Variants in BAP1 observed in about 807,000 individuals in gnomAD.
BAP1 encodes BRCA1 associated deubiquitinase 1.
BAP1 carries 16 observed loss-of-function variants against 77.2 expected under a neutral mutation model. That is an observed-to-expected ratio of 0.21 (90% confidence interval 0.14 to 0.31). The LOEUF (loss-of-function observed/expected upper bound fraction) is 0.31, where lower values mean the gene tolerates loss of function less well. Ranked by LOEUF, BAP1 falls within the 10% of genes least tolerant of loss-of-function variation. The pLI is 1.00. For missense variants in BAP1, 699 were observed against 967.3 expected, an observed-to-expected ratio of 0.72 and a Z score of 3.68; for synonymous variants, 362 against 385.2, an observed-to-expected ratio of 0.94 and a Z score of 0.71.
chr3:52,404,467 G>C lies in BAP1; in HGVS notation c.1236C>G (p.Thr412=), dbSNP rs1705080492. Residue 412 remains threonine, a synonymous_variant, in exon 12 of 17, where the codon ACC becomes ACG. Transcript: ENST00000460680. ...EDDEEDDVQN[T]NSALRYKGKG... The stretch of plus-strand genomic sequence containing the variant: ...GCTGGGCTGACCTAAGGGCAGAGTT[G>C]GTGTTCTGCACGTCATCCTCCTCGT... 6.2e-7 allele frequency: 1 copy of C among 1,614,196 alleles called. No homozygotes were observed. Among genetic ancestry groups the C allele is most frequent in the Non-Finnish European group, 8.5e-7 (1 of 1,180,040 alleles).
At position 52,402,761 on chromosome 3, in the gene BAP1, A is replaced by G. The variant is rs773767890; in HGVS notation, c.1983+18T>C. The G allele has an allele frequency of 4.3e-6, 7 of 1,614,100 alleles. No homozygotes were observed. In the East Asian group the frequency reaches 1.6e-4, roughly 36 times the overall value. On this transcript the variant is annotated intron_variant, in intron 15 of 16. Coordinates refer to ENST00000460680, the MANE Select transcript of BAP1 (RefSeq NM_004656.4). The surrounding 1 kb of genome is among the most constrained non-coding windows in gnomAD (Gnocchi z 5.3). ...ACCTCGGGAGAGGCCAGATCAGGCA[A>G]CTGGAGAAATCACCCACCTTGAACT...
At position 52,403,352 on chromosome 3, in the gene BAP1, CT is replaced by C. The variant is rs2153226538; in HGVS notation, c.1730-55del. The C allele has an allele frequency of 1.9e-6, 3 of 1,612,308 alleles. No individual in the cohort carries two copies. Among genetic ancestry groups the C allele is most frequent in the South Asian group, 2.2e-5 (2 of 91,078 alleles). ...CAGAGTGCAGGACACTTTGTGGTCA[CT>C]TGGCCACTTCCCTCCTCCCTCCTGG... is the stretch of plus-strand genomic sequence containing the variant. On this transcript the variant is annotated intron_variant, in intron 13 of 16. Coordinates refer to ENST00000460680, the MANE Select transcript of BAP1 (RefSeq NM_004656.4). The surrounding 1 kb of genome is among the most constrained non-coding windows in gnomAD (Gnocchi z 4.0).
intron 9 of BAP1, 40 bp from the exon 10 acceptor site, chr3:52,405,952 C>G: frequency 6.2e-7 from 1 of 1,612,744 alleles, no homozygotes; most frequent in Non-Finnish European, 8.5e-7. Flanking sequence ...AAAGGGTAGA[C>G]CCGGGCTTCT....
At chr3:52,407,017 G>T in intron 7 of BAP1, 110 bp from the exon 8 acceptor site, 1 of 1,488,440 alleles carries the variant, frequency 6.7e-7, no homozygotes. Flanking sequence ...ATCAGGAGCT[G>T]GTCGGGCAAT....
At position 52,403,345 on chromosome 3, in the gene BAP1, G is replaced by A. The variant is rs1578220028; in HGVS notation, c.1730-47C>T. 1 of 1,612,472 alleles carries A rather than the reference G, an allele frequency of 6.2e-7. No individual in the cohort carries two copies. Among genetic ancestry groups the A allele is most frequent in the Non-Finnish European group, 8.5e-7 (1 of 1,179,710 alleles). On this transcript the variant is annotated intron_variant, in intron 13 of 16. Transcript: ENST00000460680. This position sits in a 1 kb window ranked among gnomAD's most constrained non-coding sequence, Gnocchi z 4.0. ...AAATCATCAGAGTGCAGGACACTTT[G>A]TGGTCACTTGGCCACTTCCCTCCTC...
intron 10 of BAP1, 198 bp from the exon 11 acceptor site, chr3:52,405,492 GAAAAAAAAAAAA>G (rs71084182): frequency 6.8e-4 from 55 of 81,294 alleles, no homozygotes; most frequent in East Asian, 4.5e-3. Context: ...GAAGCAGGAA[GAAAAAAAAAAAA>G]AAAAAAAAAA....
rs759484068 is a variant in BAP1 at position 52,407,157 on chromosome 3, C to T, written c.580+17G>A. 3.1e-6 allele frequency: 5 copies of T among 1,613,400 alleles called. No homozygotes were observed. The African/African-American group carries it at 5.3e-5, about 17-fold the overall frequency. On this transcript the variant is annotated intron_variant, in intron 7 of 16. Transcript: ENST00000460680. ...TAGGCAGAGACACCCAACAGGCCTC[C>T]AGCTCATGGTGCCTACCATGGTCAA...
In BAP1 at chr3:52,405,098, C is replaced by CT. The variant is rs770178442; in HGVS notation, c.1116+11dup. ...TCAAGTAGAGAATCCTGCAAGGGTG[C>CT]TCCCAGCTTACCTGCATGGGGGACT... On this transcript the variant is annotated intron_variant, in intron 11 of 16. Coordinates refer to ENST00000460680, the MANE Select transcript of BAP1 (RefSeq NM_004656.4). 25 of 1,614,036 alleles carry CT rather than the reference C, an allele frequency of 1.5e-5. No individual in the cohort carries two copies. The African/African-American group carries it at 3.3e-4, about 22-fold the overall frequency.
In BAP1 at chr3:52,401,833, C is replaced by G. The variant is rs949141925; in HGVS notation, c.*455G>C. The G allele has an allele frequency of 3.6e-6, 1 of 280,504 alleles. No individual in the cohort carries two copies. The allele number at this position is 280,504 out of a possible 1,614,324, so 17.4% of individuals were successfully genotyped here. A position where few individuals can be genotyped will look rare whatever the true frequency, so the allele number is the denominator to read the frequency against. Reference sequence around the variant, plus strand: ...GGCCCACCCAGGCCCCCAGCTAGGACCCTGTAGTTGGGACCGTGGCATGAT... The same window carrying G: ...GGCCCACCCAGGCCCCCAGCTAGGAGCCTGTAGTTGGGACCGTGGCATGAT... On this transcript the variant is annotated 3_prime_UTR_variant, in exon 17 of 17. Coordinates refer to ENST00000460680, the MANE Select transcript of BAP1 (RefSeq NM_004656.4).
intron 4 of BAP1, 90 bp downstream of exon 4, chr3:52,408,384 T>C (rs2153228218): frequency 1.9e-6 from 3 of 1,548,484 alleles, no homozygotes; most frequent in Non-Finnish European, 2.6e-6. Flanking sequence ...AATCTGCCTA[T>C]CTCCTCCTCC....
rs2153226620 is a variant in BAP1, at chr3:52,403,500, C to T, written c.1645G>A (p.Ala549Thr). ...LRVDCIRYNR[A>T]VRDLGPVIST... ...ATGACAGGACCCAGATCACGGACAG[C>T]ACGGTTGTAGCGTATGCAGTCAACA... Residue 549 changes from alanine to threonine, a missense_variant, in exon 13 of 17, where the codon GCT (alanine) becomes ACT (threonine). Around this residue, in one of 3 missense-constraint regions of BAP1, gnomAD observed 475 missense variants for 532.4 expected, o/e 0.89. Transcript: ENST00000460680. The surrounding 1 kb of genome is among the most constrained non-coding windows in gnomAD (Gnocchi z 4.0). The T allele has an allele frequency of 6.2e-7, 1 of 1,614,022 alleles. No individual in the cohort carries two copies. Among genetic ancestry groups the T allele is most frequent in the Non-Finnish European group, 8.5e-7 (1 of 1,179,982 alleles).
chr3:52,403,312 T>G lies in BAP1; in HGVS notation c.1730-14A>C, dbSNP rs1559586193. 1.9e-6 allele frequency: 3 copies of G among 1,613,134 alleles called. No homozygotes were observed. Among genetic ancestry groups the G allele is most frequent in the Non-Finnish European group, 2.5e-6 (3 of 1,179,906 alleles). ...CCTTCCCACCCTCTGGGAAGAGAGG[T>G]CACAAGAAAATCATCAGAGTGCAGG... On this transcript the variant is annotated splice_polypyrimidine_tract_variant and intron_variant, in intron 13 of 16. Transcript: ENST00000460680. The surrounding 1 kb of genome is among the most constrained non-coding windows in gnomAD (Gnocchi z 4.0).
rs1284965361 is a variant in BAP1, at chr3:52,402,380, G to A, written c.2098C>T (p.Arg700Trp). The change falls in exon 17 of 17, where the codon CGG (arginine) becomes TGG (tryptophan). Residue 700 changes from arginine to tryptophan, a missense_variant. Arg to Trp is a moderately radical substitution (Grantham distance 101, BLOSUM62 -3). Transcript: ENST00000460680. This position sits in a 1 kb window ranked among gnomAD's most constrained non-coding sequence, Gnocchi z 5.3. ...CGGCCGATGCTGACCCCTTGGCGCC[G>A]CCGCACGGAGATGTTCTGCTCCACT... is the stretch of plus-strand genomic sequence containing the variant. ...NLVEQNISVRRRQGVSIGRLH... is the reference protein window; with the variant it reads ...NLVEQNISVRWRQGVSIGRLH... 2 of 1,570,772 alleles carry A rather than the reference G, an allele frequency of 1.3e-6. No individual in the cohort carries two copies. Among genetic ancestry groups the A allele is most frequent in the Non-Finnish European group, 8.6e-7 (1 of 1,159,346 alleles).
chr3:52,402,360 G>A lies in BAP1; in HGVS notation c.2118C>T (p.Ile706=), dbSNP rs201122466. The change falls in exon 17 of 17, where the codon ATC becomes ATT. Residue 706 remains isoleucine, a synonymous_variant. Coordinates refer to ENST00000460680, the MANE Select transcript of BAP1 (RefSeq NM_004656.4). The surrounding 1 kb of genome is among the most constrained non-coding windows in gnomAD (Gnocchi z 5.3). ...GCTTCCGCTGCTTGTGGAGCCGGCC[G>A]ATGCTGACCCCTTGGCGCCGCCGCA... The part of the protein sequence containing the change: ...ISVRRRQGVS[I]GRLHKQRKPD... 1.4e-5 allele frequency: 22 copies of A among 1,581,668 alleles called. No homozygotes were observed. The highest frequency in any genetic ancestry group is 4.6e-5 in the East Asian group (2 of 43,672).
rs2153226374 is a variant in BAP1 at position 52,402,917 on chromosome 3, C to G, written c.1891-46G>C. The G allele has an allele frequency of 6.2e-7, 1 of 1,613,344 alleles. No individual in the cohort carries two copies. Among genetic ancestry groups the G allele is most frequent in the Non-Finnish European group, 8.5e-7 (1 of 1,180,030 alleles). ...ACCTCTGATCGGGGCGGGCCAGCAA[C>G]AAAGCCCCACGAGCAATAGGCAGCT... On this transcript the variant is annotated intron_variant, in intron 14 of 16. Coordinates refer to ENST00000460680, the MANE Select transcript of BAP1 (RefSeq NM_004656.4). This position sits in a 1 kb window ranked among gnomAD's most constrained non-coding sequence, Gnocchi z 5.3.
rs773592865 is a variant in BAP1 at position 52,403,855 on chromosome 3, G to A, written c.1290C>T (p.Ser430=). ...GKGTGKPGAL[S]GSADGQLSVL... is the part of the protein sequence containing the mutation. ...CTGACAGTTGCCCATCAGCAGAACC[G>A]CTCAATGCCCCTGGCTTCCCTGTTC... Residue 430 remains serine, a synonymous_variant, in exon 13 of 17, where the codon AGC becomes AGT. Transcript: ENST00000460680. This position sits in a 1 kb window ranked among gnomAD's most constrained non-coding sequence, Gnocchi z 4.0. The A allele has an allele frequency of 1.3e-5, 21 of 1,613,902 alleles. No homozygotes were observed. Among genetic ancestry groups the A allele is most frequent in the African/African-American group, 5.3e-5 (4 of 74,876 alleles).
chr3:52,409,768 G>T, intron 1 of BAP1, 25 bp from the exon 2 acceptor site: 1 of 1,613,650 alleles, frequency 6.2e-7, no homozygotes. Context: ...AAGAGGAGGG[G>T]GTGATGGTCA....
intron 4 of BAP1, 137 bp downstream of exon 4, chr3:52,408,337 C>T (rs1015912961): frequency 5.0e-6 from 7 of 1,404,476 alleles, no homozygotes; most frequent in African/African-American, 4.3e-5. Flanking sequence ...GAGTTCAGTT[C>T]GTTCTGCCAG....
rs576101332 is a variant in BAP1 at position 52,401,216 on chromosome 3, G to A, written c.*1072C>T. ...GCCATGGGGCTGTGTTGGGGCCTGG[G>A]CTCCAGAGGCACTGCTGGGCCCATT... is the stretch of plus-strand genomic sequence containing the variant. On this transcript the variant is annotated 3_prime_UTR_variant, in exon 17 of 17. Coordinates refer to ENST00000460680, the MANE Select transcript of BAP1 (RefSeq NM_004656.4). 3 of 232,902 alleles carry A rather than the reference G, an allele frequency of 1.3e-5. No homozygotes were observed. In the Admixed American group the frequency reaches 1.7e-4, roughly 13 times the overall value. 14.4% of individuals were successfully genotyped at this position (232,902 alleles called of 1,614,324 possible).
Sources: allele counts gnomAD v4.1 joint callset, GRCh38; gene constraint gnomAD v4.1.1; regional missense constraint gnomAD v4.1.1; non-coding constraint Gnocchi (gnomAD v3.1); transcripts MANE v1.5; gene names NCBI Gene and HGNC (gene_info 2026-07-23, HGNC 2026-07-21).